The following CUBN variants were observed in gnomAD, a reference collection of about 807,000 sequenced individuals.
CUBN encodes the protein cubilin, also known as 460 kDa receptor.
A neutral mutation model predicts 405.3 loss-of-function variants in CUBN; 282 were observed. The ratio of observed to expected loss-of-function variants is 0.70; its 90% CI spans 0.63 to 0.77. The LOEUF (loss-of-function observed/expected upper bound fraction) is 0.77. Among genes scored for constraint, CUBN ranks in the 30% least tolerant of loss-of-function variants. The pLI, the probability that CUBN is intolerant of heterozygous loss-of-function variation, is 0.00. For synonymous variants in CUBN, 1,684 were observed against 1,617.0 expected (o/e 1.04, Z -0.99); for missense variants, 4,514 against 4,475.2 (o/e 1.01, Z -0.25).
intron 29 of CUBN, among the ~76,000 whole-genome samples, 166 bp from the exon 30 acceptor site, chr10:16,984,445 A>C (rs1017548522): frequency 3.9e-5 from 6 of 152,190 alleles, no homozygotes; most frequent in African/African-American, 1.4e-4. Flanking sequence ...CTGAGTTTTC[A>C]AAGGCACTCC....
chr10:16,951,973 T>C (rs1842933136), intron 33 of CUBN, among the ~76,000 whole-genome samples: 1 of 152,072 alleles, frequency 6.6e-6, no homozygotes, highest in Non-Finnish European at 1.5e-5. Context: ...TGCATACGCC[T>C]GTTAATACAG....
At chr10:17,052,210 G>C (rs1432637998) in intron 22 of CUBN, among the ~76,000 whole-genome samples, 1 of 152,036 alleles carries the variant, frequency 6.6e-6, no homozygotes, top group African/African-American at 2.4e-5. Context: ...TTTAAAAAAC[G>C]AGAGTGTAAC....
intron 14 of CUBN, among the ~76,000 whole-genome samples, chr10:17,092,383 A>T (rs1439371715): frequency 6.6e-6 from 1 of 152,060 alleles, no homozygotes; most frequent in East Asian, 1.9e-4. Context: ...AACCAGAGCA[A>T]CTCCATCTTG....
At chr10:16,934,197 A>G (rs902896400) in intron 39 of CUBN, among the ~76,000 whole-genome samples, 1 of 152,202 alleles carries the variant, frequency 6.6e-6, no homozygotes, top group African/African-American at 2.4e-5. Context: ...TCTTACTTAG[A>G]TTCAGTGATT....
intron 32 of CUBN, 82 bp from the exon 33 acceptor site, chr10:16,952,471 A>C (rs2131630021): frequency 1.1e-6 from 1 of 901,620 alleles, no homozygotes; most frequent in South Asian, 1.3e-5. Flanking sequence ...GATGAATAAA[A>C]CCATCAATGA....
At position 16,937,727 on chromosome 10, in the gene CUBN, T is replaced by C; in HGVS notation, c.5791A>G (p.Thr1931Ala). The C allele has an allele frequency of 6.2e-7, 1 of 1,614,120 alleles. No individual in the cohort carries two copies. The highest frequency in any genetic ancestry group is 2.2e-5 in the East Asian group (1 of 44,872). Residue 1931 changes from threonine (T) to alanine (A), a missense_variant, in exon 39 of 67, where the codon ACT becomes GCT. Thr to Ala is a moderately conservative substitution (Grantham distance 58). Around this residue, in one of 5 missense-constraint regions of CUBN, gnomAD observed 1,613 missense variants for 1,542.8 expected, o/e 1.05. Transcript: ENST00000377833. ...TTTCCAGTGGAGCTGAAAGATTCAG[T>C]CTGGGTACCACAGTAAGCTCCAATT... is the stretch of plus-strand genomic sequence containing the variant. ...RLIGAYCGTQ[T>A]ESFSSTGNSL...
intron 28 of CUBN, 101 bp downstream of exon 28, chr10:17,019,732 T>C (rs1834440641): frequency 6.4e-6 from 9 of 1,400,452 alleles, no homozygotes; most frequent in South Asian, 5.8e-5. Context: ...CTGGGTTCCA[T>C]TATTTGTTCA....
chr10:17,008,555 T>C (rs373168512), intron 28 of CUBN, among the ~76,000 whole-genome samples: 1 of 151,880 alleles, frequency 6.6e-6, no homozygotes, highest in East Asian at 1.9e-4. Context: ...ACTTCTCAGG[T>C]CCCTCGGGCT....
At chr10:16,987,753 C>A (rs1833467409) in intron 29 of CUBN, among the ~76,000 whole-genome samples, 1 of 152,188 alleles carries the variant, frequency 6.6e-6, no homozygotes. Context: ...GTGAAAAAAA[C>A]CATTCCACCA....
intron 27 of CUBN, among the ~76,000 whole-genome samples, chr10:17,036,889 T>C (rs1252448912): frequency 6.6e-6 from 1 of 152,192 alleles, no homozygotes; most frequent in Non-Finnish European, 1.5e-5. Flanking sequence ...GACAGGACAC[T>C]GTGAGAGTGC....
chr10:16,829,000 G>A lies in CUBN; in HGVS notation c.10569C>T (p.Thr3523=), dbSNP rs1838884019. The A allele has an allele frequency of 6.2e-7, 1 of 1,614,152 alleles. No individual in the cohort carries two copies. The highest frequency in any genetic ancestry group is 8.5e-7 in the Non-Finnish European group (1 of 1,180,018). Residue 3523 remains threonine, a synonymous_variant, in exon 66 of 67, where the codon ACC becomes ACT. Transcript: ENST00000377833. ...GTLYGDRGSF[T]SPGYPGTYPN... ...GGTATGTGCCTGGATAGCCGGGGCT[G>A]GTGAATGAGCCTCTGTCTCCATAAA...
chr10:16,945,941 A>G (rs1168084389), intron 36 of CUBN, among the ~76,000 whole-genome samples: 2 of 152,148 alleles, frequency 1.3e-5, no homozygotes, highest in Non-Finnish European at 2.9e-5. Flanking sequence ...GAGATGTTTG[A>G]ACTTGGTCCA....
At chr10:17,116,889 C>G (rs1165973366) in intron 6 of CUBN, among the ~76,000 whole-genome samples, 2 of 151,966 alleles carry the variant, frequency 1.3e-5, no homozygotes, top group Non-Finnish European at 2.9e-5. Context: ...CCAGACTTAG[C>G]AAATAAAAAT....
intron 10 of CUBN, among the ~76,000 whole-genome samples, chr10:17,105,924 A>G (rs1172730212): frequency 6.6e-6 from 1 of 152,170 alleles, no homozygotes; most frequent in African/African-American, 2.4e-5. Context: ...GCAGAAAAGG[A>G]GATTCTTAGG....
At chr10:16,867,853 G>A (rs1344273779) in intron 59 of CUBN, among the ~76,000 whole-genome samples, 1 of 152,076 alleles carries the variant, frequency 6.6e-6, no homozygotes, top group Non-Finnish European at 1.5e-5. Context: ...ATGAGGCTAG[G>A]GAACCCTGGC....
At chr10:17,096,779 T>C (rs925979342) in intron 14 of CUBN, among the ~76,000 whole-genome samples, 1 of 152,056 alleles carries the variant, frequency 6.6e-6, no homozygotes, top group African/African-American at 2.4e-5. Context: ...ATTTTAAAGA[T>C]TGAAATAATA....
rs1316252683 is a variant in CUBN, at chr10:16,869,742, C to T, written c.9348G>A (p.Lys3116=). 1 of 1,614,108 alleles carries T rather than the reference C, an allele frequency of 6.2e-7. No individual in the cohort carries two copies. The highest frequency in any genetic ancestry group is 1.1e-5 in the South Asian group (1 of 91,080). The part of the protein sequence containing the change: ...DPLLGKFCGS[K]RPPNVKSSNN... ...TGCTGCTCTTCACATTTGGTGGGCG[C>T]TTGGAACCGCAGAATTTGCCAAGAA... Residue 3116 remains lysine (K), a synonymous_variant, in exon 59 of 67, where the codon AAG becomes AAA. Transcript: ENST00000377833.
chr10:17,031,891 G>T (rs965220754), intron 27 of CUBN, among the ~76,000 whole-genome samples: 7 of 152,214 alleles, frequency 4.6e-5, no homozygotes, highest in Non-Finnish European at 2.9e-5. Flanking sequence ...ACTGATTTAC[G>T]CTTCACTTAT....
intron 54 of CUBN, among the ~76,000 whole-genome samples, chr10:16,892,871 T>A (rs988737297): frequency 6.6e-6 from 1 of 152,250 alleles, no homozygotes; most frequent in Non-Finnish European, 1.5e-5. Flanking sequence ...CCTCAAGTTC[T>A]TTAATGAAGG....
Sources: gnomAD v4.1 joint callset for allele counts (sites outside exome capture counted in the v4.1 genomes callset) on GRCh38, gnomAD v4.1.1 for gene constraint, gnomAD v4.1.1 regional missense constraint, MANE v1.5 for transcripts, NCBI Gene and HGNC (gene_info 2026-07-23, HGNC 2026-07-21) for gene names.